FERMT2: variants seen among roughly 807,000 people sequenced by gnomAD.
FERMT2 encodes fermitin family homolog 2.
A neutral mutation model predicts 82.7 loss-of-function variants in FERMT2; 15 were observed. That is an observed-to-expected ratio of 0.18 (90% CI 0.12 to 0.28). FERMT2 has a LOEUF of 0.28. Among genes scored for constraint, FERMT2 ranks in the 10% least tolerant of loss-of-function variants. The pLI is 1.00. For synonymous variants in FERMT2, 274 were observed against 271.5 expected, an observed-to-expected ratio of 1.01 and a Z score of -0.09; for missense variants, 645 against 809.4, an observed-to-expected ratio of 0.80 and a Z score of 2.46.
At position 52,900,899 on chromosome 14, in the gene FERMT2, T is replaced by G. The variant is rs958362945; in HGVS notation, c.392-7472A>C. On this transcript the variant is annotated intron_variant, in intron 3 of 14. Transcript: ENST00000341590. ...GATGTTTGAAAAAGCTTGCTCAATA[T>G]GTCTAAATACCTTACAGAGGGATGA... Among the ~76,000 whole-genome samples the G allele has an allele frequency of 3.3e-5, 5 of 151,992 alleles. No homozygotes were observed. In the East Asian group the frequency reaches 7.7e-4, roughly 23 times the overall value.
At chr14:52,949,491 CATCTTATCACAACTGTATTATGT>C (rs1256362807) in intron 2 of FERMT2, among the ~76,000 whole-genome samples, 21 of 149,858 alleles carry the variant, frequency 1.4e-4, no homozygotes, top group African/African-American at 4.4e-4. Context: ...CACAGATAAT[CATCTTATCACAACTGTATTATGT>C]ACAAAAGGCT....
chr14:52,944,178 G>C (rs1890218381), intron 2 of FERMT2, among the ~76,000 whole-genome samples: 1 of 152,120 alleles, frequency 6.6e-6, no homozygotes, highest in African/African-American at 2.4e-5. Context: ...ACTTCCTATG[G>C]ATCATGAACA....
chr14:52,860,072 C>A, intron 13 of FERMT2: 4 of 333,402 alleles, frequency 1.2e-5, no homozygotes, highest in Non-Finnish European at 2.2e-5. Flanking sequence ...CCACCTCGGC[C>A]TCCCACAGTG....
At chr14:52,861,106 C>CTTTTTCTTTGCTTCGTT in intron 12 of FERMT2, 1 of 1,378,572 alleles carries the variant, frequency 7.3e-7, no homozygotes, top group Non-Finnish European at 9.7e-7. Context: ...AAAATGGCAA[C>CTTTTTCTTTGCTTCGTT]GAAGCAAAGA....
Position 52,881,412 on chromosome 14 carries a change from GCAT to G in FERMT2, c.581_583del (p.Asp194del), listed in dbSNP as rs775644326. On this transcript the variant is annotated inframe_deletion, in exon 5 of 15. Coordinates refer to ENST00000341590, the MANE Select transcript of FERMT2 (RefSeq NM_006832.3). Reference sequence around the variant, plus strand: ...TGGTGACAAGGGGCTTCCATCATGAGCATCATAAGTGGGGGTCATTGTTTTACT... The same window carrying G: ...TGGTGACAAGGGGCTTCCATCATGAGCATAAGTGGGGGTCATTGTTTTACT... 1 of 1,614,006 alleles carries G rather than the reference GCAT, an allele frequency of 6.2e-7. No homozygotes were observed. The highest frequency in any genetic ancestry group is 1.1e-5 in the South Asian group (1 of 91,084).
intron 2 of FERMT2, among the ~76,000 whole-genome samples, chr14:52,927,617 A>AAAAAAAAAAAAAAAAAT (rs1889355641): frequency 6.7e-6 from 1 of 149,862 alleles, no homozygotes; most frequent in Non-Finnish European, 1.5e-5. Flanking sequence ...AAAAAAAAAA[A>AAAAAAAAAAAAAAAAAT]AAAAAATCCA....
rs555311552 is a variant in FERMT2, at chr14:52,857,647, G to A, written c.*730C>T. On this transcript the variant is annotated 3_prime_UTR_variant, in exon 15 of 15. Transcript: ENST00000341590. ...AACTGTACAATTTTATAAAATTTGTGTTTTTACATTAGTTACACAAAATGC... is the reference window on the plus strand; with the variant it reads ...AACTGTACAATTTTATAAAATTTGTATTTTTACATTAGTTACACAAAATGC... 1 of 152,654 alleles carries A rather than the reference G, an allele frequency of 6.6e-6. No individual in the cohort carries two copies. The highest frequency in any genetic ancestry group is 1.9e-4 in the East Asian group (1 of 5,190). 9.5% of individuals were successfully genotyped at this position (152,654 alleles called of 1,614,324 possible).
At chr14:52,887,423 G>A (rs1886677912) in intron 4 of FERMT2, among the ~76,000 whole-genome samples, 1 of 151,920 alleles carries the variant, frequency 6.6e-6, no homozygotes, top group Admixed American at 6.6e-5. Context: ...GGAGGGAGGA[G>A]GATCACTTGA....
chr14:52,941,811 T>G (rs1277024716), intron 2 of FERMT2, among the ~76,000 whole-genome samples: 1 of 152,234 alleles, frequency 6.6e-6, no homozygotes, highest in Non-Finnish European at 1.5e-5. Context: ...TTATAGAATA[T>G]ATTAAGTAGA....
chr14:52,873,324 A>T (rs1885745240), intron 9 of FERMT2, among the ~76,000 whole-genome samples: 1 of 152,220 alleles, frequency 6.6e-6, no homozygotes, highest in Non-Finnish European at 1.5e-5. Flanking sequence ...ATTGCCTTGG[A>T]GCCTCTATAA....
chr14:52,922,308 GC>G (rs1889000553), intron 2 of FERMT2, among the ~76,000 whole-genome samples: 2 of 152,174 alleles, frequency 1.3e-5, no homozygotes. Context: ...TTGGCTGCCA[GC>G]ATGGGGCTGG....
intron 3 of FERMT2, among the ~76,000 whole-genome samples, chr14:52,902,793 C>G (rs553840223): frequency 7.1e-6 from 1 of 139,954 alleles, no homozygotes; most frequent in South Asian, 2.3e-4. Flanking sequence ...CACTTGAACC[C>G]AGGAGGTGGA....
At chr14:52,937,959 G>A (rs888514131) in intron 2 of FERMT2, among the ~76,000 whole-genome samples, 1 of 152,170 alleles carries the variant, frequency 6.6e-6, no homozygotes, top group Admixed American at 6.5e-5. Flanking sequence ...TATGTGCCAA[G>A]AACTGCTCTA....
intron 7 of FERMT2, among the ~76,000 whole-genome samples, chr14:52,877,097 G>A (rs1886005053): frequency 6.6e-6 from 1 of 152,100 alleles, no homozygotes; most frequent in South Asian, 2.1e-4. Flanking sequence ...ACACAACTGT[G>A]TGTACTCTCA....
At chr14:52,888,985 G>A (rs138654045) in intron 4 of FERMT2, among the ~76,000 whole-genome samples, 1 of 152,118 alleles carries the variant, frequency 6.6e-6, no homozygotes, top group Non-Finnish European at 1.5e-5. Context: ...GGGACAGAAG[G>A]GAGAAGGAGA....
chr14:52,925,336 G>C (rs1566754099), intron 2 of FERMT2, among the ~76,000 whole-genome samples: 1 of 152,118 alleles, frequency 6.6e-6, no homozygotes, highest in Non-Finnish European at 1.5e-5. Context: ...CAAATCACTT[G>C]AGGTCAGAAG....
intron 2 of FERMT2, among the ~76,000 whole-genome samples, chr14:52,924,969 C>T (rs1570877): frequency 0.82 from 125,330 of 152,142 alleles, 51,886 homozygotes; most frequent in East Asian, 1. Context: ...CCTAAAGACC[C>T]GACTGAGCCC....
At chr14:52,896,235 CACTAT>C (rs1347525485) in intron 3 of FERMT2, among the ~76,000 whole-genome samples, 3 of 152,154 alleles carry the variant, frequency 2.0e-5, no homozygotes, top group Admixed American at 6.5e-5. Context: ...TGTCTGGCAG[CACTAT>C]ACTATATGTC....
chr14:52,933,705 C>G, intron 2 of FERMT2, among the ~76,000 whole-genome samples: 1 of 101,056 alleles, frequency 9.9e-6, no homozygotes, highest in Non-Finnish European at 1.9e-5. Flanking sequence ...AGCAAAACTC[C>G]GTCTCAAAAA....
Sources: allele counts gnomAD v4.1 joint callset (sites outside exome capture counted in the v4.1 genomes callset), GRCh38; gene constraint gnomAD v4.1.1; transcripts MANE v1.5; gene names NCBI Gene and HGNC (gene_info 2026-07-23, HGNC 2026-07-21).